MYO1H: variants seen among roughly 807,000 people sequenced by gnomAD.
The protein encoded by MYO1H is myosin IH, also known as unconventional myosin-Ih.
Under a neutral mutation model 149.3 loss-of-function variants are expected in MYO1H, and 118 were observed. The observed-to-expected ratio is 0.79, with a 90% CI of 0.68 to 0.92. The LOEUF is 0.92. Ranked by LOEUF, MYO1H falls within the 40% of genes least tolerant of loss-of-function variation. MYO1H has a pLI of 0.00. For synonymous variants in MYO1H, 447 were observed against 465.2 expected, an observed-to-expected ratio of 0.96 and a Z score of 0.50; for missense variants, 1,212 against 1,280.7, an observed-to-expected ratio of 0.95 and a Z score of 0.82.
chr12:109,338,783 A>AG, the MYO1H span, among the ~76,000 whole-genome samples: 6 of 151,682 alleles, frequency 4.0e-5, no homozygotes, highest in Non-Finnish European at 8.8e-5. Context: ...AAAAAAAAAA[A>AG]AAAAAAATCA....
intron 31 of MYO1H, 107 bp from the exon 32 acceptor site, chr12:109,447,052 G>A: frequency 1.7e-6 from 2 of 1,147,348 alleles, no homozygotes; most frequent in South Asian, 2.6e-5. Context: ...CTTCTCACAG[G>A]CCCTCCACAC....
chr12:109,323,666 G>A, the MYO1H span, among the ~76,000 whole-genome samples: 4 of 152,192 alleles, frequency 2.6e-5, no homozygotes, highest in Non-Finnish European at 5.9e-5. Flanking sequence ...GTTCTAGAAG[G>A]TCTGCTGTTT....
intron 18 of MYO1H, among the ~76,000 whole-genome samples, chr12:109,427,005 A>T (rs761047860): frequency 2.6e-5 from 4 of 152,110 alleles, no homozygotes; most frequent in Non-Finnish European, 5.9e-5. Flanking sequence ...TTTCCTATAA[A>T]ATTCCCCCAT....
intron 1 of MYO1H, among the ~76,000 whole-genome samples, chr12:109,349,756 C>T (rs531951655): frequency 1.7e-4 from 26 of 150,638 alleles, no homozygotes; most frequent in Non-Finnish European, 1.0e-4. Flanking sequence ...GTCAGGAGAT[C>T]GAGACCATCC....
chr12:109,369,257 C>A (rs1439996108), intron 1 of MYO1H, among the ~76,000 whole-genome samples: 1 of 152,160 alleles, frequency 6.6e-6, no homozygotes, highest in Non-Finnish European at 1.5e-5. Flanking sequence ...CTGGCTCATT[C>A]TTTTCATGGC....
At chr12:109,415,747 C>A in intron 15 of MYO1H, 127 bp downstream of exon 15, 1 of 529,810 alleles carries the variant, frequency 1.9e-6, no homozygotes, top group Non-Finnish European at 3.1e-6. Context: ...CGCGTTCAAG[C>A]CATTTGAAAA....
At chr12:109,388,805 C>T (rs748204818) in exon 2 of MYO1H, 34 of 1,613,000 alleles carry the variant, frequency 2.1e-5, no homozygotes, top group South Asian at 2.0e-4. Context: ...CTGCCTTTGT[C>T]GACAACCTCC....
chr12:109,350,050 G>T (rs1299171973), intron 1 of MYO1H, among the ~76,000 whole-genome samples: 1 of 151,514 alleles, frequency 6.6e-6, no homozygotes, highest in East Asian at 1.9e-4. Context: ...ACCTCAGAAG[G>T]AGCTGAGTTT....
the MYO1H span, among the ~76,000 whole-genome samples, chr12:109,336,120 A>G: frequency 7.2e-4 from 110 of 152,224 alleles, no homozygotes; most frequent in Admixed American, 2.4e-3. Flanking sequence ...CCTTCAAGTG[A>G]CACAGCAGTC....
chr12:109,394,086 T>C (rs1256363402), intron 3 of MYO1H, among the ~76,000 whole-genome samples: 2 of 152,218 alleles, frequency 1.3e-5, no homozygotes, highest in Non-Finnish European at 2.9e-5. Context: ...ATATTTTTAG[T>C]ACATAACATT....
chr12:109,431,610 T>C (rs1317598068), intron 19 of MYO1H, among the ~76,000 whole-genome samples: 1 of 152,210 alleles, frequency 6.6e-6, no homozygotes, highest in Non-Finnish European at 1.5e-5. Context: ...GCATTCTGTT[T>C]CTACGCCAGT....
intron 1 of MYO1H, among the ~76,000 whole-genome samples, chr12:109,385,615 T>C (rs1869289271): frequency 6.6e-6 from 1 of 152,214 alleles, no homozygotes; most frequent in Non-Finnish European, 1.5e-5. Flanking sequence ...AAATATTGTT[T>C]GATCTAAATG....
At chr12:109,340,975 T>G in the MYO1H span, among the ~76,000 whole-genome samples, 1 of 151,996 alleles carries the variant, frequency 6.6e-6, no homozygotes, top group South Asian at 2.1e-4. Flanking sequence ...TCACTTGAGG[T>G]CAGGAGTTCG....
intron 18 of MYO1H, among the ~76,000 whole-genome samples, chr12:109,426,345 A>G (rs1425428076): frequency 1.3e-5 from 2 of 152,064 alleles, no homozygotes. Flanking sequence ...TTAGCCAGGC[A>G]TGGTGGCGTG....
chr12:109,438,464 C>T, intron 22 of MYO1H, 72 bp from the exon 23 acceptor site: 1 of 1,206,556 alleles, frequency 8.3e-7, no homozygotes, highest in Non-Finnish European at 1.2e-6. Flanking sequence ...ATGGACAAAG[C>T]CTTCTGGAAA....
chr12:109,409,767 C>T, intron 11 of MYO1H, 143 bp downstream of exon 11: 2 of 791,930 alleles, frequency 2.5e-6, no homozygotes, highest in South Asian at 3.3e-5. Flanking sequence ...AACTCACAGA[C>T]CATCCTAGAT....
intron 15 of MYO1H, among the ~76,000 whole-genome samples, chr12:109,419,017 A>G (rs1035021832): frequency 6.6e-6 from 1 of 152,230 alleles, no homozygotes; most frequent in Non-Finnish European, 1.5e-5. Context: ...AAGAATAAAG[A>G]TAATACACAT....
chr12:109,333,616 G>A, the MYO1H span, among the ~76,000 whole-genome samples: 3 of 152,156 alleles, frequency 2.0e-5, no homozygotes, highest in South Asian at 2.1e-4. Flanking sequence ...GGGGTCCTAA[G>A]TGTGTGCCAG....
At chr12:109,354,938 G>C (rs1868554825) in intron 1 of MYO1H, among the ~76,000 whole-genome samples, 1 of 152,188 alleles carries the variant, frequency 6.6e-6, no homozygotes, top group Non-Finnish European at 1.5e-5. Flanking sequence ...AAGAGAACAG[G>C]GGGCCTGTCC....
Sources: gnomAD v4.1 joint callset for allele counts (sites outside exome capture counted in the v4.1 genomes callset) on GRCh38, gnomAD v4.1.1 for gene constraint, MANE v1.5 for transcripts, NCBI Gene and HGNC (gene_info 2026-07-23, HGNC 2026-07-21) for gene names.